Variants in FBXW11 observed in about 807,000 individuals in gnomAD.
FBXW11 encodes the protein F-box and WD repeat domain containing 11, also known as F-box/WD repeat-containing protein 11.
Under a neutral mutation model 77.6 loss-of-function variants are expected in FBXW11, and 19 were observed. The observed-to-expected ratio is 0.24, with a 90% CI of 0.17 to 0.36. FBXW11 has a LOEUF of 0.36. Ranked by LOEUF, FBXW11 falls within the 10% of genes least tolerant of loss-of-function variation. The pLI, the probability that FBXW11 is intolerant of heterozygous loss-of-function variation, is 1.00. For synonymous variants in FBXW11, 235 were observed against 249.4 expected, an observed-to-expected ratio of 0.94 and a Z score of 0.54; for missense variants, 334 against 704.2, an observed-to-expected ratio of 0.47 and a Z score of 5.95.
Position 171,915,654 on chromosome 5 carries a change from C to T in FBXW11, c.148-1249G>A, listed in dbSNP as rs575629650. Among the ~76,000 whole-genome samples, 21 of 29,372 alleles carry T rather than the reference C, an allele frequency of 7.1e-4. No individual in the cohort carries two copies. In the East Asian group the frequency reaches 0.015, roughly 21 times the overall value. The allele number at this position is 29,372 out of a possible 152,430, so 19.3% of individuals were successfully genotyped here. On this transcript the variant is annotated intron_variant, in intron 2 of 13. Coordinates refer to ENST00000517395, the MANE Select transcript of FBXW11 (RefSeq NM_001378974.1). Reference sequence around the variant, plus strand: ...GTGTGTGTGTGTGTGTGTGTGTGAGCCTGAGCAAGTTCTTTTACCATGGGA... The same window carrying T: ...GTGTGTGTGTGTGTGTGTGTGTGAGTCTGAGCAAGTTCTTTTACCATGGGA...
At position 171,885,607 on chromosome 5, in the gene FBXW11, G is replaced by A. The variant is rs151009771; in HGVS notation, c.852+5860C>T. Among the ~76,000 whole-genome samples the A allele has an allele frequency of 1.7e-4, 26 of 152,208 alleles. No homozygotes were observed. In the South Asian group the frequency reaches 2.3e-3, roughly 13 times the overall value. ...GTCAGGACAAGTAGCAACTTCTTAC[G>A]TACCAAACCCACTCCCTTCTTTTAA... On this transcript the variant is annotated intron_variant, in intron 7 of 13. Coordinates refer to ENST00000517395, the MANE Select transcript of FBXW11 (RefSeq NM_001378974.1).
chr5:172,002,647 GACA>G (rs909722411), intron 1 of FBXW11, among the ~76,000 whole-genome samples: 3 of 146,196 alleles, frequency 2.1e-5, no homozygotes, highest in Non-Finnish European at 4.5e-5. Context: ...AAGAAAAAAA[GACA>G]ACATTTCCAG....
chr5:171,983,777 C>T (rs933725136), intron 1 of FBXW11, among the ~76,000 whole-genome samples: 3 of 152,000 alleles, frequency 2.0e-5, no homozygotes, highest in African/African-American at 7.3e-5. Context: ...ATATGCCTAC[C>T]CCCATTACCC....
At chr5:171,946,088 T>A (rs149994996) in intron 2 of FBXW11, among the ~76,000 whole-genome samples, 1 of 152,198 alleles carries the variant, frequency 6.6e-6, no homozygotes, top group Admixed American at 6.5e-5. Context: ...TCCAGTCAAT[T>A]GAAGGCCTAA....
chr5:171,900,217 A>C (rs1760021217), intron 4 of FBXW11, 117 bp from the exon 5 acceptor site: 1 of 848,060 alleles, frequency 1.2e-6, no homozygotes, highest in Non-Finnish European at 1.8e-6. Context: ...TATTTTAGTC[A>C]TATCAAAAGT....
intron 1 of FBXW11, among the ~76,000 whole-genome samples, chr5:171,995,483 A>G (rs1171626438): frequency 2.6e-5 from 4 of 152,108 alleles, no homozygotes; most frequent in African/African-American, 7.2e-5. Context: ...GCCAGGCGTG[A>G]TGGCTCACGC....
At position 171,872,904 on chromosome 5, in the gene FBXW11, C is replaced by G. The variant is rs1268601507; in HGVS notation, c.1308G>C (p.Leu436=). The G allele has an allele frequency of 2.5e-6, 4 of 1,613,974 alleles. No individual in the cohort carries two copies. Among genetic ancestry groups the G allele is most frequent in the Middle Eastern group, 1.6e-4 (1 of 6,078 alleles). Residue 436 remains leucine, a synonymous_variant, in exon 10 of 14, where the codon CTG becomes CTC. Coordinates refer to ENST00000517395, the MANE Select transcript of FBXW11 (RefSeq NM_001378974.1). ...TATTATCTGATGATCCACTAACAAC[C>G]AGGCGATCCCTGTACTGGAGACAGG... The part of the protein sequence containing the change: ...GIACLQYRDR[L]VVSGSSDNTI...
At chr5:171,967,855 C>CATATATATATATATAT (rs375683631) in intron 1 of FBXW11, among the ~76,000 whole-genome samples, 8 of 118,520 alleles carry the variant, frequency 6.7e-5, no homozygotes, top group African/African-American at 2.4e-4. Context: ...AAAAAAAATG[C>CATATATATATATATAT]ATATATATAT....
In FBXW11 at chr5:171,891,490, C is replaced by A; in HGVS notation, c.829G>T (p.Gly277Cys). ...ACCTTAATAGAATTATCTCGTAGGC[C>A]ACTGATAATTTTTTCATCATCGTAC... Reference protein sequence around the residue: ...LQYDDEKIISGLRDNSIKIWD... With the variant: ...LQYDDEKIISCLRDNSIKIWD... Residue 277 changes from glycine to cysteine, a missense_variant, in exon 7 of 14, where the codon GGC becomes TGC. Transcript: ENST00000517395. The A allele has an allele frequency of 1.3e-6, 2 of 1,594,130 alleles. No individual in the cohort carries two copies. Among genetic ancestry groups the A allele is most frequent in the Admixed American group, 1.8e-5 (1 of 57,088 alleles).
intron 1 of FBXW11, among the ~76,000 whole-genome samples, chr5:171,978,104 C>T (rs1366254069): frequency 6.6e-6 from 1 of 151,946 alleles, no homozygotes; most frequent in Non-Finnish European, 1.5e-5. Flanking sequence ...GGTGACCCCT[C>T]CCTAATAATG....
At chr5:172,001,262 T>C (rs1342359255) in intron 1 of FBXW11, among the ~76,000 whole-genome samples, 1 of 152,224 alleles carries the variant, frequency 6.6e-6, no homozygotes, top group African/African-American at 2.4e-5. Context: ...AAACACAGCC[T>C]CTAGAAGAAG....
At chr5:171,906,490 C>T (rs375803234) in intron 4 of FBXW11, among the ~76,000 whole-genome samples, 1 of 152,148 alleles carries the variant, frequency 6.6e-6, no homozygotes, top group South Asian at 2.1e-4. Context: ...TGAATCAATT[C>T]GGGAATCAGT....
At chr5:172,005,856 G>C (rs947894787) in intron 1 of FBXW11, among the ~76,000 whole-genome samples, 1 of 152,056 alleles carries the variant, frequency 6.6e-6, no homozygotes, top group Non-Finnish European at 1.5e-5. Context: ...CGAGAAGCCG[G>C]ACACCACAAG....
chr5:172,000,480 G>A (rs1766348182), intron 1 of FBXW11, among the ~76,000 whole-genome samples: 1 of 152,174 alleles, frequency 6.6e-6, no homozygotes, highest in Admixed American at 6.5e-5. Flanking sequence ...GACTCTGCAT[G>A]ATTTCATTGT....
rs150185164 is a variant in FBXW11, at chr5:171,974,852, C to T, written c.46-17154G>A. 2.3e-3 allele frequency among the ~76,000 whole-genome samples: 343 copies of T among 152,264 alleles called. 2 individuals carry two copies. The highest frequency in any genetic ancestry group is 8.1e-3 in the African/African-American group (338 of 41,540). On this transcript the variant is annotated intron_variant, in intron 1 of 13. Transcript: ENST00000517395. ...TCTTGTTGCCCAGGCTGGAGTGCAA[C>T]GGCACTTTCTCGGCTCACTGCAACC... is the stretch of plus-strand genomic sequence containing the variant.
intron 2 of FBXW11, among the ~76,000 whole-genome samples, chr5:171,939,189 A>G (rs924370160): frequency 5.3e-5 from 8 of 152,172 alleles, no homozygotes; most frequent in African/African-American, 1.7e-4. Context: ...GTGAGCCAAG[A>G]CCATGCCACT....
rs751395083 is a variant in FBXW11, at chr5:171,869,700, A to G, written c.1530+29T>C. 4 of 1,576,340 alleles carry G rather than the reference A, an allele frequency of 2.5e-6. No individual in the cohort carries two copies. The African/African-American group carries it at 4.1e-5, about 16-fold the overall frequency. On this transcript the variant is annotated intron_variant, in intron 12 of 13. Transcript: ENST00000517395. The surrounding 1 kb of genome is among the most constrained non-coding windows in gnomAD (Gnocchi z 4.1). ...AAATGGTCATCCTCCAGCACAGGGA[A>G]CCAATTCCCGTCTCAAGAGATCACA... is the stretch of plus-strand genomic sequence containing the variant.
chr5:171,992,878 TAA>T (rs1581090641), intron 1 of FBXW11, among the ~76,000 whole-genome samples: 1 of 151,772 alleles, frequency 6.6e-6, no homozygotes, highest in African/African-American at 2.4e-5. Context: ...CACTTTAATA[TAA>T]AGAGGCCACA....
intron 1 of FBXW11, among the ~76,000 whole-genome samples, chr5:171,985,125 C>T (rs1178747148): frequency 6.6e-6 from 1 of 152,202 alleles, no homozygotes; most frequent in Admixed American, 6.5e-5. Context: ...TTCATACCAT[C>T]TGTTACTATC....
Sources: allele counts gnomAD v4.1 joint callset (sites outside exome capture counted in the v4.1 genomes callset), GRCh38; gene constraint gnomAD v4.1.1; non-coding constraint Gnocchi (gnomAD v3.1); transcripts MANE v1.5; gene names NCBI Gene and HGNC (gene_info 2026-07-23, HGNC 2026-07-21).